HDAC9: variants seen among roughly 807,000 people sequenced by gnomAD.
HDAC9 encodes the protein MEF-2 interacting transcription repressor (MITR) protein.
A neutral mutation model predicts 139.4 loss-of-function variants in HDAC9; 41 were observed. The ratio of observed to expected loss-of-function variants is 0.29; its 90% CI spans 0.23 to 0.38. HDAC9 has a LOEUF of 0.38. Ranked by LOEUF, HDAC9 falls within the 10% of genes least tolerant of loss-of-function variation. The pLI is 1.00. For synonymous variants in HDAC9, 517 were observed against 476.2 expected (o/e 1.09, Z -1.12); for missense variants, 1,147 against 1,297.0 (o/e 0.88, Z 1.78).
chr7:18,902,572 A>G (rs958597132), intron 22 of HDAC9, among the ~76,000 whole-genome samples: 1 of 152,204 alleles, frequency 6.6e-6, no homozygotes, highest in Non-Finnish European at 1.5e-5. Flanking sequence ...CCCTCTAACA[A>G]TATTTTATTT....
chr7:18,861,630 C>T (rs117444784), intron 21 of HDAC9, among the ~76,000 whole-genome samples: 3,055 of 152,252 alleles, frequency 0.02, 50 homozygotes, highest in Admixed American at 0.029. Context: ...CTCAGAGACA[C>T]ATTGGGCAAT....
At chr7:18,411,114 C>G (rs1017678225) in intron 1 of HDAC9, among the ~76,000 whole-genome samples, 1 of 152,112 alleles carries the variant, frequency 6.6e-6, no homozygotes, top group Non-Finnish European at 1.5e-5. Context: ...GCCCAGAGTT[C>G]CAGCCTGAGT....
chr7:18,629,824 G>A (rs1781792672), intron 7 of HDAC9, among the ~76,000 whole-genome samples: 2 of 152,062 alleles, frequency 1.3e-5, no homozygotes, highest in African/African-American at 4.8e-5. Context: ...ATGAGCAGAG[G>A]GAGGTCCAAG....
chr7:18,567,631 G>A (rs1019688009), intron 2 of HDAC9, among the ~76,000 whole-genome samples: 1 of 151,972 alleles, frequency 6.6e-6, no homozygotes, highest in Non-Finnish European at 1.5e-5. Context: ...ATGATTTTGG[G>A]TTATATAAAT....
intron 15 of HDAC9, among the ~76,000 whole-genome samples, chr7:18,765,010 A>G (rs1032965362): frequency 2.6e-5 from 4 of 152,258 alleles, no homozygotes; most frequent in East Asian, 1.9e-4. Context: ...ATTCTCTCCA[A>G]TTATTTCTGG....
chr7:18,268,161 A>C (rs1337322747), intron 2 of HDAC9, among the ~76,000 whole-genome samples: 1 of 152,160 alleles, frequency 6.6e-6, no homozygotes, highest in Admixed American at 6.5e-5. Flanking sequence ...AATGTGAAGA[A>C]ATCAAAGAGA....
chr7:18,985,003 A>C (rs768276305), intron 25 of HDAC9, among the ~76,000 whole-genome samples: 5 of 152,192 alleles, frequency 3.3e-5, no homozygotes, highest in Non-Finnish European at 7.4e-5. Flanking sequence ...ATTTAGGTGT[A>C]GAATTGTTAC....
intron 6 of HDAC9, among the ~76,000 whole-genome samples, chr7:18,596,034 T>C (rs1009800328): frequency 4.6e-5 from 7 of 152,112 alleles, no homozygotes; most frequent in African/African-American, 1.7e-4. Context: ...AGACATTTTC[T>C]GTGCCTTATT....
At chr7:18,315,335 C>A (rs188361283) in intron 1 of HDAC9, among the ~76,000 whole-genome samples, 4 of 152,112 alleles carry the variant, frequency 2.6e-5, no homozygotes, top group Non-Finnish European at 4.4e-5. Flanking sequence ...TATGATCGTC[C>A]CTTTAGAATA....
intron 1 of HDAC9, among the ~76,000 whole-genome samples, chr7:18,107,501 T>C (rs1486622363): frequency 2.0e-5 from 3 of 151,284 alleles, no homozygotes; most frequent in Non-Finnish European, 4.4e-5. Context: ...CTTGATCTCT[T>C]TCTTGCTCTC....
At chr7:18,505,574 A>T (rs1056510069) in intron 2 of HDAC9, among the ~76,000 whole-genome samples, 1 of 152,204 alleles carries the variant, frequency 6.6e-6, no homozygotes, top group East Asian at 1.9e-4. Flanking sequence ...TTATCATCAT[A>T]CTACGTTTTA....
intron 16 of HDAC9, among the ~76,000 whole-genome samples, chr7:18,774,243 T>A (rs1790566190): frequency 6.6e-6 from 1 of 152,024 alleles, no homozygotes; most frequent in South Asian, 2.1e-4. Flanking sequence ...ATGCATTGAG[T>A]CATTATTTCT....
intron 25 of HDAC9, among the ~76,000 whole-genome samples, chr7:18,990,989 A>G (rs900680730): frequency 6.6e-6 from 1 of 152,236 alleles, no homozygotes; most frequent in Non-Finnish European, 1.5e-5. Flanking sequence ...ATGGAAATGC[A>G]GAAATCACCC....
At chr7:18,496,128 G>C in intron 1 of HDAC9, 105 bp downstream of exon 1, 1 of 1,407,168 alleles carries the variant, frequency 7.1e-7, no homozygotes, top group Non-Finnish European at 9.7e-7. Context: ...TCTCCTCAGG[G>C]AGGAGGGAGA....
At chr7:18,192,186 T>G (rs978492602) in intron 2 of HDAC9, among the ~76,000 whole-genome samples, 1 of 152,156 alleles carries the variant, frequency 6.6e-6, no homozygotes, top group African/African-American at 2.4e-5. Flanking sequence ...GTAAATACTA[T>G]TCTAGAAAGT....
chr7:18,308,570 G>A lies in HDAC9; in HGVS notation c.-42+18055G>A, dbSNP rs180799770. Among the ~76,000 whole-genome samples, 616 of 152,282 alleles carry A rather than the reference G, an allele frequency of 4.0e-3. 3 individuals are homozygous for A. The highest frequency in any genetic ancestry group is 7.3e-3 in the Admixed American group (111 of 15,296). ...TTGGTGTACTCAGTAGGTGATTGAA[G>A]ATGTGCTACTTCATGGAGAAAAATA... is the stretch of plus-strand genomic sequence containing the variant. On this transcript the variant is annotated intron_variant, in intron 1 of 3. Transcript: ENST00000413509.
chr7:18,928,694 A>T (rs1307817325), intron 22 of HDAC9, among the ~76,000 whole-genome samples: 1 of 152,184 alleles, frequency 6.6e-6, no homozygotes, highest in Non-Finnish European at 1.5e-5. Flanking sequence ...ATTTTTAAAA[A>T]ACCAGAATGA....
intron 2 of HDAC9, among the ~76,000 whole-genome samples, chr7:18,547,147 C>G (rs1368073677): frequency 6.6e-6 from 1 of 152,200 alleles, no homozygotes; most frequent in Non-Finnish European, 1.5e-5. Context: ...GAGTCACAAC[C>G]TTTTTTGCTG....
intron 21 of HDAC9, among the ~76,000 whole-genome samples, chr7:18,845,549 A>C (rs1796849649): frequency 1.3e-5 from 2 of 152,150 alleles, no homozygotes; most frequent in Non-Finnish European, 2.9e-5. Context: ...TGTATTGTTT[A>C]ATTGTTTGCT....
Sources: allele counts gnomAD v4.1 joint callset (sites outside exome capture counted in the v4.1 genomes callset), GRCh38; gene constraint gnomAD v4.1.1; transcripts MANE v1.5; gene names NCBI Gene and HGNC (gene_info 2026-07-23, HGNC 2026-07-21).